The following SLC2A9 variants were observed in gnomAD, a reference collection of about 807,000 sequenced individuals.
SLC2A9 encodes the protein solute carrier family 2 member 9, also known as solute carrier family 2, facilitated glucose transporter member 9.
A neutral mutation model predicts 50.6 loss-of-function variants in SLC2A9; 39 were observed. The observed-to-expected ratio is 0.77, with a 90% CI of 0.60 to 1.01. SLC2A9 has a LOEUF of 1.01. Ranked by LOEUF, SLC2A9 falls within the 50% of genes least tolerant of loss-of-function variation. The pLI is 0.00. For synonymous variants in SLC2A9, 324 were observed against 276.9 expected (o/e 1.17, Z -1.69); for missense variants, 686 against 677.6 (o/e 1.01, Z -0.14).
intron 1 of SLC2A9, among the ~76,000 whole-genome samples, chr4:9,772,255 G>A (rs561702680): frequency 1.3e-5 from 2 of 152,300 alleles, no homozygotes; most frequent in Middle Eastern, 3.4e-3. Context: ...TGGCACTGGG[G>A]ATGGATAGAA....
At chr4:9,835,860 G>C (rs1036099577) in intron 10 of SLC2A9, among the ~76,000 whole-genome samples, 1 of 152,148 alleles carries the variant, frequency 6.6e-6, no homozygotes, top group Admixed American at 6.5e-5. Context: ...GCAGAGGCCA[G>C]TGGATTACAT....
At position 9,941,949 on chromosome 4, in the gene SLC2A9, G is replaced by C. The variant is rs137954097; in HGVS notation, c.778C>G (p.Leu260Val). ...CTTGCCTCGTTGTGCTTCTCCAAGA[G>C]CAGGTAGCGTGGGCTGTCCGGGAGA... ...PFLPDSPRYL[L>V]LEKHNEARAV... The change falls in exon 6 of 12, where the codon CTC becomes GTC. Residue 260 changes from leucine to valine, a missense_variant. By Grantham distance (32) the Leu-to-Val change is conservative. Transcript: ENST00000264784. 5 of 1,614,068 alleles carry C rather than the reference G, an allele frequency of 3.1e-6. No individual in the cohort carries two copies. In the African/African-American group the frequency reaches 6.7e-5, roughly 22 times the overall value.
chr4:9,829,474 A>AG (rs1553828520), intron 11 of SLC2A9, among the ~76,000 whole-genome samples: 24 of 151,348 alleles, frequency 1.6e-4, no homozygotes, highest in African/African-American at 4.4e-4. Flanking sequence ...AAAATGTCAA[A>AG]AAAAAAAAAA....
chr4:9,954,823 T>C (rs1018283694), intron 5 of SLC2A9, among the ~76,000 whole-genome samples: 8 of 152,046 alleles, frequency 5.3e-5, no homozygotes, highest in African/African-American at 1.5e-4. Context: ...GGTCAGGCAG[T>C]TGTTAAACTG....
At chr4:9,927,382 C>A (rs1389576862) in intron 6 of SLC2A9, among the ~76,000 whole-genome samples, 2 of 152,236 alleles carry the variant, frequency 1.3e-5, no homozygotes, top group African/African-American at 4.8e-5. Context: ...CACTTTGTCA[C>A]CTCTTTTATC....
chr4:9,794,723 G>C (rs528915124), downstream of SLC2A9, among the ~76,000 whole-genome samples: 34 of 152,312 alleles, frequency 2.2e-4, no homozygotes, highest in Admixed American at 8.5e-4. Flanking sequence ...TAGTGACCCA[G>C]AGTTAAAGAT....
chr4:9,775,918 G>T (rs912579812), downstream of SLC2A9, among the ~76,000 whole-genome samples: 1 of 152,152 alleles, frequency 6.6e-6, no homozygotes, highest in Non-Finnish European at 1.5e-5. Flanking sequence ...TAGAACACAC[G>T]TGGCTTCCAA....
chr4:9,824,224 G>T (rs1489596356), downstream of SLC2A9, among the ~76,000 whole-genome samples: 1 of 151,898 alleles, frequency 6.6e-6, no homozygotes, highest in African/African-American at 2.4e-5. Context: ...TCCCTTTGCC[G>T]CCTCAGGACG....
intron 10 of SLC2A9, among the ~76,000 whole-genome samples, chr4:9,886,654 A>T (rs1736328907): frequency 2.0e-5 from 3 of 152,158 alleles, no homozygotes; most frequent in Non-Finnish European, 4.4e-5. Context: ...GAGAAACAGA[A>T]GTTCAGTTCC....
intron 3 of SLC2A9, among the ~76,000 whole-genome samples, chr4:9,986,817 C>T (rs1294706043): frequency 2.6e-5 from 4 of 152,156 alleles, no homozygotes; most frequent in African/African-American, 9.7e-5. Flanking sequence ...TGCCTAAGAC[C>T]TCATGGTTCA....
At chr4:10,027,586 G>A (rs934205791) in intron 1 of SLC2A9, among the ~76,000 whole-genome samples, 23 of 152,084 alleles carry the variant, frequency 1.5e-4, no homozygotes, top group Non-Finnish European at 3.4e-4. Context: ...TCTCCTCTTG[G>A]TGGTGCGGTG....
At chr4:10,007,029 C>G (rs993747929) in intron 2 of SLC2A9, among the ~76,000 whole-genome samples, 1 of 152,138 alleles carries the variant, frequency 6.6e-6, no homozygotes, top group Non-Finnish European at 1.5e-5. Context: ...GGAGCTTGCC[C>G]CTGGTTTCCT....
chr4:9,973,479 A>T (rs1754252924), intron 5 of SLC2A9, among the ~76,000 whole-genome samples: 1 of 152,106 alleles, frequency 6.6e-6, no homozygotes, highest in Non-Finnish European at 1.5e-5. Flanking sequence ...CCTGGCAAAG[A>T]TACAATAAAA....
intron 3 of SLC2A9, among the ~76,000 whole-genome samples, chr4:9,786,996 C>T (rs1719308340): frequency 6.6e-6 from 1 of 152,190 alleles, no homozygotes; most frequent in African/African-American, 2.4e-5. Context: ...GGTCCCAGCT[C>T]CCTGTCCACA....
At chr4:9,869,729 G>C (rs1266118499) in intron 10 of SLC2A9, among the ~76,000 whole-genome samples, 1 of 152,230 alleles carries the variant, frequency 6.6e-6, no homozygotes, top group African/African-American at 2.4e-5. Flanking sequence ...ACAGTAAGTA[G>C]GTGTCCAATA....
At chr4:9,993,909 C>T (rs1758146694) in intron 3 of SLC2A9, among the ~76,000 whole-genome samples, 1 of 152,204 alleles carries the variant, frequency 6.6e-6, no homozygotes, top group South Asian at 2.1e-4. Flanking sequence ...GCTCAACATT[C>T]CCTAGCTAGG....
At chr4:9,779,139 A>G (rs557757054), downstream of SLC2A9, among the ~76,000 whole-genome samples, 1 of 152,300 alleles carries the variant, frequency 6.6e-6, no homozygotes, top group African/African-American at 2.4e-5. Context: ...CAGAGAGATC[A>G]AGCGACCTGC....
intron 3 of SLC2A9, among the ~76,000 whole-genome samples, chr4:9,815,217 G>A (rs1414362053): frequency 1.3e-5 from 2 of 152,190 alleles, no homozygotes; most frequent in Non-Finnish European, 1.5e-5. Context: ...CTCCAGCAAA[G>A]CTGCTGTGAC....
chr4:9,807,526 C>T lies in SLC2A9; in HGVS notation n.421-8285G>A, dbSNP rs545600680. Among the ~76,000 whole-genome samples the T allele has an allele frequency of 1.2e-4, 18 of 152,306 alleles. No homozygotes were observed. In the South Asian group the frequency reaches 2.9e-3, roughly 25 times the overall value. The stretch of plus-strand genomic sequence containing the variant: ...CAGTTCTCTCCTCTGCTGAACTGAG[C>T]TGTTCCATAGCTGGGCCAGGCCTCT... On this transcript the variant is annotated intron_variant and non_coding_transcript_variant, in intron 3 of 3. Transcript: ENST00000503280.
Sources: gnomAD v4.1 joint callset for allele counts (sites outside exome capture counted in the v4.1 genomes callset) on GRCh38, gnomAD v4.1.1 for gene constraint, MANE v1.5 for transcripts, NCBI Gene and HGNC (gene_info 2026-07-23, HGNC 2026-07-21) for gene names.